The following ZNHIT6 variants were observed in gnomAD, a reference collection of about 807,000 sequenced individuals.
ZNHIT6 encodes the protein zinc finger HIT-type containing 6, also known as box C/D snoRNA protein 1.
A neutral mutation model predicts 57.2 loss-of-function variants in ZNHIT6; 45 were observed. The observed-to-expected ratio is 0.79, with a 90% CI of 0.62 to 1.01. ZNHIT6 has a LOEUF of 1.01. ZNHIT6 is among the 50% of genes least tolerant of loss of function. ZNHIT6 has a pLI of 0.00. For synonymous variants in ZNHIT6, 188 were observed against 190.0 expected (o/e 0.99, Z 0.09); for missense variants, 528 against 567.3 (o/e 0.93, Z 0.70).
chr1:85,706,371 G>A lies in ZNHIT6; in HGVS notation c.723-16C>T. On this transcript the variant is annotated splice_polypyrimidine_tract_variant and intron_variant, in intron 2 of 9. Coordinates refer to ENST00000370574, the MANE Select transcript of ZNHIT6 (RefSeq NM_017953.4). ...ACAGGGCAAACTGAAAAGACAAAGGGGAAGTACTTTTATATTTTAGGGTAA... is the reference window on the plus strand; with the variant it reads ...ACAGGGCAAACTGAAAAGACAAAGGAGAAGTACTTTTATATTTTAGGGTAA... The A allele has an allele frequency of 6.2e-7, 1 of 1,613,618 alleles. No individual in the cohort carries two copies. Among genetic ancestry groups the A allele is most frequent in the Non-Finnish European group, 8.5e-7 (1 of 1,179,756 alleles).
chr1:85,704,185 G>T (rs897470795), intron 4 of ZNHIT6, among the ~76,000 whole-genome samples: 2 of 152,132 alleles, frequency 1.3e-5, no homozygotes, highest in African/African-American at 4.8e-5. Context: ...GTGTAAACTA[G>T]TACAATCACT....
intron 5 of ZNHIT6, among the ~76,000 whole-genome samples, chr1:85,687,192 A>C (rs1216382939): frequency 6.7e-6 from 1 of 150,104 alleles, no homozygotes; most frequent in East Asian, 2.0e-4. Context: ...CGGCAGAAGA[A>C]TCACTTGAAT....
intron 5 of ZNHIT6, among the ~76,000 whole-genome samples, chr1:85,685,571 T>C (rs1662004840): frequency 6.6e-6 from 1 of 152,214 alleles, no homozygotes; most frequent in Non-Finnish European, 1.5e-5. Flanking sequence ...CACATAATGA[T>C]TTGTGGGCTT....
In ZNHIT6 at chr1:85,707,612, A is replaced by C. The variant is rs1410508626; in HGVS notation, c.656+17T>G. ...TCCACAGCTTTATTCCCCTAAATGG[A>C]ATCCCCCATGCCCTACCTTGACATG... On this transcript the variant is annotated intron_variant, in intron 1 of 9. Transcript: ENST00000370574. The C allele has an allele frequency of 2.0e-6, 3 of 1,529,322 alleles. No homozygotes were observed. The highest frequency in any genetic ancestry group is 2.6e-6 in the Non-Finnish European group (3 of 1,143,654). 94.7% of individuals were successfully genotyped at this position (1,529,322 alleles called of 1,614,324 possible). A position where few individuals can be genotyped will look rare whatever the true frequency, so the allele number is the denominator to read the frequency against.
In ZNHIT6 at chr1:85,706,631, G is replaced by A. The variant is rs190994536; in HGVS notation, c.657-124C>T. ...ACTGATAAAATATTTGATAGCTGTT[G>A]AACATCATTTGAAAATTCTTCTCTA... On this transcript the variant is annotated intron_variant, in intron 1 of 9. Transcript: ENST00000370574. 3 of 863,174 alleles carry A rather than the reference G, an allele frequency of 3.5e-6. No homozygotes were observed. In the African/African-American group the frequency reaches 5.3e-5, roughly 15 times the overall value. The allele number at this position is 863,174 out of a possible 1,614,324, so 53.5% of individuals were successfully genotyped here.
At chr1:85,687,986 T>TG (rs1469839511) in intron 5 of ZNHIT6, among the ~76,000 whole-genome samples, 1 of 149,116 alleles carries the variant, frequency 6.7e-6, no homozygotes, top group Non-Finnish European at 1.5e-5. Context: ...GAGGTTGCAG[T>TG]GAGCCGAGAT....
chr1:85,701,201 A>G (rs1376210939), intron 5 of ZNHIT6, among the ~76,000 whole-genome samples: 2 of 152,242 alleles, frequency 1.3e-5, no homozygotes, highest in African/African-American at 4.8e-5. Context: ...CACTAGAATA[A>G]TGATAATTCT....
intron 8 of ZNHIT6, among the ~76,000 whole-genome samples, chr1:85,670,178 C>T (rs1293591029): frequency 6.6e-6 from 1 of 152,090 alleles, no homozygotes; most frequent in Non-Finnish European, 1.5e-5. Context: ...CGGCAAACTA[C>T]AGCCAGGAGG....
At chr1:85,701,686 G>C (rs1181975509) in intron 5 of ZNHIT6, among the ~76,000 whole-genome samples, 7 of 152,144 alleles carry the variant, frequency 4.6e-5, no homozygotes, top group Admixed American at 4.6e-4. Flanking sequence ...TTTTGTCCTG[G>C]AAGCCCCTGA....
chr1:85,693,377 G>A (rs1433341575), intron 5 of ZNHIT6, among the ~76,000 whole-genome samples: 1 of 152,074 alleles, frequency 6.6e-6, no homozygotes, highest in Non-Finnish European at 1.5e-5. Flanking sequence ...TAAAAGATGA[G>A]AAAGATTTGG....
Position 85,687,281 on chromosome 1 carries a change from C to CAAAAAAAAAAAAAAAAAAAAAAAAAAA in ZNHIT6, c.1020-6378_1020-6377insTTTTTTTTTTTTTTTTTTTTTTTTTTT, listed in dbSNP as rs371192859. Among the ~76,000 whole-genome samples, 5 of 33,602 alleles carry CAAAAAAAAAAAAAAAAAAAAAAAAAAA rather than the reference C, an allele frequency of 1.5e-4. 1 individual carries two copies. Among genetic ancestry groups the CAAAAAAAAAAAAAAAAAAAAAAAAAAA allele is most frequent in the Non-Finnish European group, 1.7e-4 (3 of 17,660 alleles). 22.0% of individuals were successfully genotyped at this position (33,602 alleles called of 152,430 possible). A position where few individuals can be genotyped will look rare whatever the true frequency, so the allele number is the denominator to read the frequency against. ...GGTGACAAGAGTGAGAAGACTATCT[C>CAAAAAAAAAAAAAAAAAAAAAAAAAAA]AAAAAACAAAAAAAAAACAAAAAAA... On this transcript the variant is annotated intron_variant, in intron 5 of 9. Coordinates refer to ENST00000370574, the MANE Select transcript of ZNHIT6 (RefSeq NM_017953.4).
chr1:85,671,715 C>T (rs1455053742), intron 8 of ZNHIT6, among the ~76,000 whole-genome samples: 2 of 152,088 alleles, frequency 1.3e-5, no homozygotes, highest in Non-Finnish European at 2.9e-5. Flanking sequence ...ATCTTTACAA[C>T]GATGCAGTAT....
chr1:85,700,483 C>A, intron 5 of ZNHIT6, among the ~76,000 whole-genome samples: 1 of 152,076 alleles, frequency 6.6e-6, no homozygotes, highest in South Asian at 2.1e-4. Flanking sequence ...AGTTTCAAAA[C>A]AACCAAAAAT....
chr1:85,664,775 TA>T (rs1327259028), intron 8 of ZNHIT6, among the ~76,000 whole-genome samples: 46 of 145,918 alleles, frequency 3.2e-4, no homozygotes, highest in Admixed American at 2.7e-4. Context: ...ACCTAAAAGT[TA>T]AAAAAAAAAA....
chr1:85,691,790 G>A (rs948214794), intron 5 of ZNHIT6, among the ~76,000 whole-genome samples: 1 of 152,084 alleles, frequency 6.6e-6, no homozygotes, highest in Non-Finnish European at 1.5e-5. Context: ...AGAGGCGGAC[G>A]CACAAGAATC....
At position 85,653,930 on chromosome 1, in the gene ZNHIT6, C is replaced by G. The variant is rs891381718; in HGVS notation, c.*128G>C. The G allele has an allele frequency of 7.3e-6, 5 of 687,160 alleles. No individual in the cohort carries two copies. The highest frequency in any genetic ancestry group is 5.9e-5 in the Admixed American group (2 of 33,956). The allele number at this position is 687,160 out of a possible 1,614,324, so 42.6% of individuals were successfully genotyped here. The stretch of plus-strand genomic sequence containing the variant: ...AAATACATTTTTTAAAAGAGTTAAG[C>G]TTATTTTTCATACAAAGAAAAAATT... On this transcript the variant is annotated 3_prime_UTR_variant, in exon 10 of 10. Coordinates refer to ENST00000370574, the MANE Select transcript of ZNHIT6 (RefSeq NM_017953.4).
intron 5 of ZNHIT6, among the ~76,000 whole-genome samples, chr1:85,695,626 G>A (rs1358062735): frequency 1.3e-5 from 2 of 152,212 alleles, no homozygotes; most frequent in Non-Finnish European, 2.9e-5. Context: ...CCACTGGTTA[G>A]AGTAACATGT....
chr1:85,691,558 C>A (rs1662219690), intron 5 of ZNHIT6, among the ~76,000 whole-genome samples: 1 of 152,192 alleles, frequency 6.6e-6, no homozygotes, highest in African/African-American at 2.4e-5. Context: ...TTAAAGGATT[C>A]TAAGTAGCTG....
At chr1:85,671,376 C>T (rs1217188807) in intron 8 of ZNHIT6, among the ~76,000 whole-genome samples, 1 of 152,096 alleles carries the variant, frequency 6.6e-6, no homozygotes, top group Non-Finnish European at 1.5e-5. Context: ...ATTTCTTGAC[C>T]TCAGGCGTTC....
Sources: gnomAD v4.1 joint callset for allele counts (sites outside exome capture counted in the v4.1 genomes callset) on GRCh38, gnomAD v4.1.1 for gene constraint, MANE v1.5 for transcripts, NCBI Gene and HGNC (gene_info 2026-07-23, HGNC 2026-07-21) for gene names.